The following ZMYND8 variants were observed in gnomAD, a reference collection of about 807,000 sequenced individuals.
ZMYND8 encodes MYND-type zinc finger-containing chromatin reader ZMYND8.
Under a neutral mutation model 140.8 loss-of-function variants are expected in ZMYND8, and 37 were observed. The ratio of observed to expected loss-of-function variants is 0.26; its 90% CI spans 0.20 to 0.35. The LOEUF (loss-of-function observed/expected upper bound fraction) is 0.35, where lower values mean the gene tolerates loss of function less well. Among genes scored for constraint, ZMYND8 ranks in the 10% least tolerant of loss-of-function variants. The pLI, the probability that ZMYND8 is intolerant of heterozygous loss-of-function variation, is 1.00. For synonymous variants in ZMYND8, 592 were observed against 597.1 expected (o/e 0.99, Z 0.12); for missense variants, 1,068 against 1,570.0 (o/e 0.68, Z 5.40).
rs6018371 is a variant in ZMYND8 at position 47,264,328 on chromosome 20, G to A, written c.1481-1900C>T. Reference sequence around the variant, plus strand: ...GTCTCGCTCTGTCACCCAGGCTGGAGTGCAGTTGTGCAATCTCGGCTCACT... The same window carrying A: ...GTCTCGCTCTGTCACCCAGGCTGGAATGCAGTTGTGCAATCTCGGCTCACT... On this transcript the variant is annotated intron_variant, in intron 11 of 22. Transcript: ENST00000471951. Among the ~76,000 whole-genome samples, 807 of 152,302 alleles carry A rather than the reference G, an allele frequency of 5.3e-3. 8 individuals carry two copies. Among genetic ancestry groups the A allele is most frequent in the African/African-American group, 0.018 (730 of 41,560 alleles).
chr20:47,236,474 G>T lies in ZMYND8; in HGVS notation c.2708C>A (p.Thr903Asn). Residue 903 changes from threonine (T) to asparagine (N), a missense_variant, in exon 16 of 23, where the codon ACC becomes AAC. By Grantham distance (65) the Thr-to-Asn change is moderately conservative. This residue lies in a region of ZMYND8 where 383 missense variants were observed against 431.2 expected (regional missense o/e 0.89). Transcript: ENST00000471951. Reference sequence around the variant, plus strand: ...CTGTGTGCTGGTCACCAGGGTGATGGTGGACGTGGATGGGCTCTGTGTGAT... The same window carrying T: ...CTGTGTGCTGGTCACCAGGGTGATGTTGGACGTGGATGGGCTCTGTGTGAT... ...KEITQSPSTS[T>N]ITLVTSTQSS... 5 of 1,608,162 alleles carry T rather than the reference G, an allele frequency of 3.1e-6. No homozygotes were observed. The highest frequency in any genetic ancestry group is 4.2e-6 in the Non-Finnish European group (5 of 1,176,790).
At chr20:47,333,002 C>T (rs1044774792) in intron 2 of ZMYND8, among the ~76,000 whole-genome samples, 1 of 152,182 alleles carries the variant, frequency 6.6e-6, no homozygotes, top group Admixed American at 6.5e-5. Flanking sequence ...AGACCCTCCT[C>T]AACTCACGAT....
In ZMYND8 at chr20:47,276,546, C is replaced by G; in HGVS notation, c.1248G>C (p.Lys416Asn). The G allele has an allele frequency of 1.9e-6, 3 of 1,613,956 alleles. No homozygotes were observed. Among genetic ancestry groups the G allele is most frequent in the Non-Finnish European group, 2.5e-6 (3 of 1,180,020 alleles). The change falls in exon 11 of 23, where the codon AAG becomes AAC. Residue 416 changes from lysine (K) to asparagine (N), a missense_variant. By Grantham distance (94) the Lys-to-Asn change is moderately conservative (BLOSUM62 0). Transcript: ENST00000471951. ...AGTAKIDKQE[K>N]VKLNFDMTAS... Reference sequence around the variant, plus strand: ...CCGTCATGTCAAAGTTGAGCTTGACCTTCTCCTGCTTGTCTATCTTGGCAG... The same window carrying G: ...CCGTCATGTCAAAGTTGAGCTTGACGTTCTCCTGCTTGTCTATCTTGGCAG...
chr20:47,225,136 T>A (rs1313570185), intron 18 of ZMYND8, among the ~76,000 whole-genome samples: 1 of 152,164 alleles, frequency 6.6e-6, no homozygotes, highest in African/African-American at 2.4e-5. Flanking sequence ...TGGATCCAGA[T>A]GGGACTGTGG....
rs140754013 is a variant in ZMYND8 at position 47,292,811 on chromosome 20, G to C, written c.568-923C>G. ...TCATGCCTGTGATCCCAGCACTTTG[G>C]AAGGCTGAGGCAGGAGGATCATTTA... On this transcript the variant is annotated intron_variant, in intron 5 of 22. Coordinates refer to ENST00000471951, the MANE Select transcript of ZMYND8 (RefSeq NM_001281775.3). Among the ~76,000 whole-genome samples the C allele has an allele frequency of 6.8e-3, 1,037 of 152,116 alleles. 12 individuals are homozygous for C. Among genetic ancestry groups the C allele is most frequent in the African/African-American group, 0.024 (995 of 41,482 alleles).
In ZMYND8 at chr20:47,291,786, G is replaced by A. The variant is rs114364441; in HGVS notation, c.660+10C>T. ...GGCTAGAATGGTGAGGTTCTTTGAC[G>A]GAGGCCAACCTTTTCCAATGTACAA... On this transcript the variant is annotated intron_variant, in intron 6 of 22. Coordinates refer to ENST00000471951, the MANE Select transcript of ZMYND8 (RefSeq NM_001281775.3). 2.8e-3 allele frequency: 4,545 copies of A among 1,606,940 alleles called. 98 individuals are homozygous for A. The African/African-American group carries it at 0.05, about 18-fold the overall frequency.
At chr20:47,296,782 C>A (rs1293566541) in intron 4 of ZMYND8, among the ~76,000 whole-genome samples, 1 of 151,312 alleles carries the variant, frequency 6.6e-6, no homozygotes, top group African/African-American at 2.4e-5. Flanking sequence ...ATAGCAAGAC[C>A]CTGTCTCTAC....
At chr20:47,334,878 G>A (rs988217825) in intron 2 of ZMYND8, among the ~76,000 whole-genome samples, 3 of 151,784 alleles carry the variant, frequency 2.0e-5, no homozygotes, top group Non-Finnish European at 4.4e-5. Context: ...CCAAAGTGCT[G>A]GGATTACAGG....
rs766336129 is a variant in ZMYND8, at chr20:47,210,783, C to T, written c.3683G>A (p.Arg1228Gln). The change falls in exon 23 of 23, where the codon CGG becomes CAG. Residue 1228 changes from arginine (R) to glutamine (Q), a missense_variant. By Grantham distance (43) the Arg-to-Gln change is conservative (BLOSUM62 1). This residue lies in a region of ZMYND8 where 180 missense variants were observed against 187.8 expected (regional missense o/e 0.96). Transcript: ENST00000471951. ...CTGCTAGTCCCAGAAGGTGTCCAGC[C>T]GAGACTCTTTCGGGAGGAGGCTCTT... ...STKSLLPKES[R>Q]LDTFWD The T allele has an allele frequency of 3.1e-6, 5 of 1,614,016 alleles. No individual in the cohort carries two copies. Among genetic ancestry groups the T allele is most frequent in the Non-Finnish European group, 4.2e-6 (5 of 1,179,974 alleles).
chr20:47,276,910 T>TA (rs10717572), intron 10 of ZMYND8, 115 bp from the exon 11 acceptor site: 42,823 of 512,150 alleles, frequency 0.084, 323 homozygotes, highest in East Asian at 0.16. Context: ...CTTATTCTAT[T>TA]AAAAAAAAAA....
chr20:47,313,157 G>T (rs1484971944), intron 2 of ZMYND8, among the ~76,000 whole-genome samples: 1 of 151,274 alleles, frequency 6.6e-6, no homozygotes, highest in African/African-American at 2.4e-5. Flanking sequence ...TTGAGCCCAG[G>T]AGTTTGAGGG....
rs535310053 is a variant in ZMYND8, at chr20:47,220,756, T to C, written c.3418-432A>G. On this transcript the variant is annotated intron_variant, in intron 20 of 22. Coordinates refer to ENST00000471951, the MANE Select transcript of ZMYND8 (RefSeq NM_001281775.3). ...ACAGTCTAACGATTTATCTTTTTCC[T>C]AATATGCAATGAAATAGATATACAG... Among the ~76,000 whole-genome samples the C allele has an allele frequency of 2.0e-5, 3 of 152,336 alleles. No homozygotes were observed. The South Asian group carries it at 6.2e-4, about 32-fold the overall frequency.
chr20:47,259,294 ACT>A lies in ZMYND8; in HGVS notation c.1621+2992_1621+2993del, dbSNP rs1221806273. ...CAAGGAAGCACGTGTGTCCCTTTTC[ACT>A]CAAGTGAGGAACCAACTGGTTGGTC... On this transcript the variant is annotated intron_variant, in intron 12 of 22. Coordinates refer to ENST00000471951, the MANE Select transcript of ZMYND8 (RefSeq NM_001281775.3). 3.3e-5 allele frequency among the ~76,000 whole-genome samples: 5 copies of A among 152,216 alleles called. No homozygotes were observed. In the East Asian group the frequency reaches 9.7e-4, roughly 29 times the overall value.
At chr20:47,264,134 G>C (rs1194607296) in intron 11 of ZMYND8, among the ~76,000 whole-genome samples, 1 of 152,234 alleles carries the variant, frequency 6.6e-6, no homozygotes, top group African/African-American at 2.4e-5. Flanking sequence ...ACGCCGCATA[G>C]GGATGGAGTA....
chr20:47,291,729 G>T, intron 6 of ZMYND8, 67 bp downstream of exon 6: 1 of 1,282,432 alleles, frequency 7.8e-7, no homozygotes, highest in Non-Finnish European at 1.1e-6. Context: ...AGCATAGGCA[G>T]TGAGGGAAGA....
chr20:47,266,167 G>T (rs970434195), intron 11 of ZMYND8, among the ~76,000 whole-genome samples: 7 of 151,892 alleles, frequency 4.6e-5, no homozygotes, highest in African/African-American at 1.7e-4. Flanking sequence ...TACCTCCCCA[G>T]TGTGTGAAAC....
chr20:47,279,757 C>CTTTT (rs11476452), intron 10 of ZMYND8, among the ~76,000 whole-genome samples: 1 of 143,254 alleles, frequency 7.0e-6, no homozygotes, highest in African/African-American at 2.6e-5. Context: ...TTGGTGTCCG[C>CTTTT]TTTTTTTTTT....
chr20:47,347,658 G>A (rs1236447185), intron 2 of ZMYND8, among the ~76,000 whole-genome samples, 198 bp downstream of exon 2: 1 of 152,136 alleles, frequency 6.6e-6, no homozygotes, highest in Non-Finnish European at 1.5e-5. Context: ...CCCTACACAG[G>A]CACCAGGGAA....
Position 47,249,342 on chromosome 20 carries a change from AC to A in ZMYND8, c.1718del (p.Arg573LeufsTer6). ...VPLISPKRQIRSRFQLNLDKT... is the reference protein window; with the variant it reads ...VPLISPKRQIXSRFQLNLDKT... The stretch of plus-strand genomic sequence containing the variant: ...TGTCAAGATTCAGCTGGAACCTGCT[AC>A]GAATCTGGCGCTTGGGAGAGATGAG... On this transcript the variant is annotated frameshift_variant, in exon 13 of 23. Coordinates refer to ENST00000471951, the MANE Select transcript of ZMYND8 (RefSeq NM_001281775.3). LOFTEE classifies it high-confidence loss of function. 6.2e-7 allele frequency: 1 copy of A among 1,614,098 alleles called. No homozygotes were observed. The highest frequency in any genetic ancestry group is 1.1e-5 in the South Asian group (1 of 91,074).
Sources: allele counts gnomAD v4.1 joint callset (sites outside exome capture counted in the v4.1 genomes callset), GRCh38; gene constraint gnomAD v4.1.1; regional missense constraint gnomAD v4.1.1; transcripts MANE v1.5; gene names NCBI Gene and HGNC (gene_info 2026-07-23, HGNC 2026-07-21).